ZNF644: variants seen among roughly 807,000 people sequenced by gnomAD.
The protein encoded by ZNF644 is zinc finger motif enhancer binding protein 2.
ZNF644 carries 20 observed loss-of-function variants against 108.0 expected under a neutral mutation model. The observed-to-expected ratio is 0.19, with a 90% CI of 0.13 to 0.27. The LOEUF (loss-of-function observed/expected upper bound fraction) is 0.27, where lower values mean the gene tolerates loss of function less well. Among genes scored for constraint, ZNF644 ranks in the 10% least tolerant of loss-of-function variants. The probability of loss-of-function intolerance (pLI) is 1.00; values close to 1 mark genes in which losing one functional copy is unlikely to be tolerated. For missense variants in ZNF644, 1,338 were observed against 1,548.9 expected (o/e 0.86, Z 2.29); for synonymous variants, 542 against 539.1 (o/e 1.01, Z -0.08).
At chr1:90,989,462 GA>G (rs1018564956) in intron 1 of ZNF644, among the ~76,000 whole-genome samples, 10 of 152,286 alleles carry the variant, frequency 6.6e-5, no homozygotes, top group Admixed American at 5.2e-4. Flanking sequence ...AGGATCACTT[GA>G]ACCTGGAAGG....
rs543722301 is a variant in ZNF644, at chr1:90,979,943, T to C, written c.44+2367A>G. On this transcript the variant is annotated intron_variant, in intron 2 of 5. Coordinates refer to ENST00000337393, the MANE Select transcript of ZNF644 (RefSeq NM_201269.3). ...GGATTGAATGAAGACTTGGGAAATA[T>C]TTTATTTCTCTTTCTAAAATGTCTA... 3.3e-5 allele frequency among the ~76,000 whole-genome samples: 5 copies of C among 152,276 alleles called. No homozygotes were observed. In the South Asian group the frequency reaches 1.0e-3, roughly 32 times the overall value.
intron 2 of ZNF644, among the ~76,000 whole-genome samples, chr1:90,970,007 C>T (rs933439196): frequency 2.0e-5 from 3 of 152,142 alleles, no homozygotes; most frequent in Admixed American, 6.6e-5. Flanking sequence ...CTTCTGAAAA[C>T]ACAAAACTAA....
chr1:90,919,270 T>G (rs1444042352), intron 4 of ZNF644, among the ~76,000 whole-genome samples: 1 of 152,058 alleles, frequency 6.6e-6, no homozygotes, highest in Non-Finnish European at 1.5e-5. Context: ...GATACAAATG[T>G]AACAGAAGAG....
chr1:91,011,117 T>A (rs931435376), intron 1 of ZNF644, among the ~76,000 whole-genome samples: 3 of 152,200 alleles, frequency 2.0e-5, no homozygotes, highest in Non-Finnish European at 4.4e-5. Flanking sequence ...ATATACTTTT[T>A]TCAATGTCTA....
In ZNF644 at chr1:90,937,828, A is replaced by G; in HGVS notation, c.3345T>C (p.Asp1115=). 1.9e-6 allele frequency: 3 copies of G among 1,613,912 alleles called. No homozygotes were observed. The highest frequency in any genetic ancestry group is 2.5e-6 in the Non-Finnish European group (3 of 1,179,876). ...GTATAACATTTTGAGATATAAAGTC[A>G]TCACTTGATGCAAGTTTTTGAGCTA... ...PFVAQKLASS[D]DFISQNVIPL... Residue 1115 remains aspartate, a synonymous_variant, in exon 4 of 6, where the codon GAT becomes GAC. Transcript: ENST00000337393.
chr1:90,955,665 AT>A, intron 2 of ZNF644, among the ~76,000 whole-genome samples: 1 of 152,302 alleles, frequency 6.6e-6, no homozygotes, highest in South Asian at 2.1e-4. Flanking sequence ...CCTTCACAGA[AT>A]TGAAGAGAGT....
At chr1:91,007,219 C>CGTTTTTTTTTTTTTTTTTTTTTTTTTTTT (rs1557658445) in intron 1 of ZNF644, among the ~76,000 whole-genome samples, 1 of 114,248 alleles carries the variant, frequency 8.8e-6, no homozygotes, top group Non-Finnish European at 1.8e-5. Context: ...CATTTTCTCC[C>CGTTTTTTTTTTTTTTTTTTTTTTTTTTTT]ATTTTGTTTT....
At chr1:91,010,349 C>T (rs1209492474) in intron 1 of ZNF644, among the ~76,000 whole-genome samples, 1 of 151,370 alleles carries the variant, frequency 6.6e-6, no homozygotes, top group Non-Finnish European at 1.5e-5. Context: ...AGTGATTCTC[C>T]TGCCTCAGCT....
Position 90,997,197 on chromosome 1 carries a change from C to A in ZNF644, c.-17-14827G>T, listed in dbSNP as rs77143750. ...TACACGCCCAGGAAAGACCTAAGTG[C>A]TCACCTCTGGCTAAACCTGAGGCTC... is the stretch of plus-strand genomic sequence containing the variant. On this transcript the variant is annotated intron_variant, in intron 1 of 5. Coordinates refer to ENST00000337393, the MANE Select transcript of ZNF644 (RefSeq NM_201269.3). Among the ~76,000 whole-genome samples, 574 of 151,748 alleles carry A rather than the reference C, an allele frequency of 3.8e-3. 5 individuals are homozygous for A. Among genetic ancestry groups the A allele is most frequent in the Non-Finnish European group, 5.0e-3 (342 of 67,902 alleles).
intron 1 of ZNF644, among the ~76,000 whole-genome samples, chr1:90,985,954 A>G (rs1354529774): frequency 6.6e-6 from 1 of 152,190 alleles, no homozygotes; most frequent in Admixed American, 6.5e-5. Context: ...CATCCTTGCC[A>G]ACATTTGTTA....
At chr1:90,999,094 A>C (rs2101651860) in intron 1 of ZNF644, among the ~76,000 whole-genome samples, 1 of 152,354 alleles carries the variant, frequency 6.6e-6, no homozygotes, top group Middle Eastern at 3.4e-3. Flanking sequence ...GACAAGAAGA[A>C]TGAAACCAAG....
intron 1 of ZNF644, among the ~76,000 whole-genome samples, chr1:90,991,783 C>T (rs2101594365): frequency 6.6e-6 from 1 of 152,282 alleles, no homozygotes; most frequent in African/African-American, 2.4e-5. Flanking sequence ...TCACCTCTCT[C>T]CAGGTCCCTT....
chr1:90,964,544 TTGC>T (rs945145127), intron 2 of ZNF644, among the ~76,000 whole-genome samples: 34 of 152,172 alleles, frequency 2.2e-4, no homozygotes, highest in Admixed American at 6.6e-5. Context: ...CTATATTAAG[TTGC>T]TCAGTATCAG....
At chr1:90,955,987 A>G (rs961677974) in intron 2 of ZNF644, among the ~76,000 whole-genome samples, 1 of 152,190 alleles carries the variant, frequency 6.6e-6, no homozygotes, top group African/African-American at 2.4e-5. Context: ...CCTTTCACTC[A>G]AACACTAATA....
chr1:90,949,702 T>C lies in ZNF644; in HGVS notation c.45-8393A>G, dbSNP rs190708546. 1.5e-4 allele frequency among the ~76,000 whole-genome samples: 23 copies of C among 152,324 alleles called. No homozygotes were observed. In the East Asian group the frequency reaches 4.4e-3, roughly 29 times the overall value. On this transcript the variant is annotated intron_variant, in intron 2 of 5. Coordinates refer to ENST00000337393, the MANE Select transcript of ZNF644 (RefSeq NM_201269.3). ...GTAGGTATTACAAGAAATATATTGA[T>C]GGTTTAACATATATGGGAGGATGTG...
intron 4 of ZNF644, among the ~76,000 whole-genome samples, 153 bp downstream of exon 4, chr1:90,937,332 G>T (rs1651428423): frequency 6.6e-6 from 1 of 151,660 alleles, no homozygotes; most frequent in Admixed American, 6.6e-5. Flanking sequence ...ATACAGAAAT[G>T]ACAGTAGAAT....
chr1:90,927,373 G>C (rs1295465181), intron 4 of ZNF644, among the ~76,000 whole-genome samples: 1 of 152,130 alleles, frequency 6.6e-6, no homozygotes, highest in Non-Finnish European at 1.5e-5. Context: ...TCATTTTTTT[G>C]TATGGTGGAG....
At chr1:90,943,019 G>A (rs1377118563) in intron 2 of ZNF644, among the ~76,000 whole-genome samples, 2 of 151,952 alleles carry the variant, frequency 1.3e-5, no homozygotes, top group South Asian at 2.1e-4. Context: ...TACTATTTTA[G>A]GGCAACAGGA....
chr1:91,002,875 T>C (rs535333508), intron 1 of ZNF644, among the ~76,000 whole-genome samples: 30 of 152,142 alleles, frequency 2.0e-4, no homozygotes, highest in Admixed American at 3.3e-4. Flanking sequence ...GCAAAGGATA[T>C]GAACAGACAC....
Sources: allele counts gnomAD v4.1 joint callset (sites outside exome capture counted in the v4.1 genomes callset), GRCh38; gene constraint gnomAD v4.1.1; transcripts MANE v1.5; gene names NCBI Gene and HGNC (gene_info 2026-07-23, HGNC 2026-07-21).